The following CCDC7 variants were observed in gnomAD, a reference collection of about 807,000 sequenced individuals.
CCDC7 encodes coiled-coil domain containing 7, also known as coiled-coil domain-containing protein 7.
CCDC7 carries 183 observed loss-of-function variants against 196.9 expected under a neutral mutation model. The observed-to-expected ratio is 0.93, with a 90% CI of 0.82 to 1.05. The LOEUF (loss-of-function observed/expected upper bound fraction) is 1.05, where lower values mean the gene tolerates loss of function less well. CCDC7 is among the 50% of genes least tolerant of loss of function. The pLI is 0.00. For synonymous variants in CCDC7, 525 were observed against 484.6 expected (o/e 1.08, Z -1.10); for missense variants, 1,540 against 1,482.2 (o/e 1.04, Z -0.64).
chr10:32,761,532 A>G (rs1436956722), intron 28 of CCDC7, among the ~76,000 whole-genome samples: 3 of 151,976 alleles, frequency 2.0e-5, no homozygotes, highest in African/African-American at 7.2e-5. Context: ...AAAGAAAAGT[A>G]TGAGCTTGGA....
chr10:32,781,738 A>G (rs1465599558), intron 29 of CCDC7, among the ~76,000 whole-genome samples: 1 of 152,242 alleles, frequency 6.6e-6, no homozygotes, highest in African/African-American at 2.4e-5. Context: ...CCTTAAGATC[A>G]GGAGCAATAC....
intron 37 of CCDC7, 44 bp from the exon 39 acceptor site, chr10:32,847,789 T>C (rs754296930): frequency 5.9e-6 from 7 of 1,184,736 alleles, no homozygotes; most frequent in Non-Finnish European, 8.5e-6. Flanking sequence ...GTAACATAAA[T>C]GGTTACCTTA....
At chr10:32,880,354 C>T (rs186602371), downstream of CCDC7, among the ~76,000 whole-genome samples, 26 of 152,154 alleles carry the variant, frequency 1.7e-4, no homozygotes, top group East Asian at 3.9e-4. Flanking sequence ...TGTCTTCTTT[C>T]GAGAAGTGTC....
intron 28 of CCDC7, among the ~76,000 whole-genome samples, chr10:32,744,437 A>C (rs2074371660): frequency 6.6e-6 from 1 of 151,032 alleles, no homozygotes; most frequent in Non-Finnish European, 1.5e-5. Context: ...TTGTATTCTC[A>C]CCAGCAATGA....
chr10:32,716,603 A>C (rs1258001769), intron 25 of CCDC7, among the ~76,000 whole-genome samples: 3 of 152,258 alleles, frequency 2.0e-5, no homozygotes, highest in African/African-American at 4.8e-5. Flanking sequence ...ACAGACTGGC[A>C]AATTGGATAA....
intron 21 of CCDC7, among the ~76,000 whole-genome samples, chr10:32,665,170 A>G (rs564849386): frequency 6.6e-6 from 1 of 152,092 alleles, no homozygotes; most frequent in Non-Finnish European, 1.5e-5. Context: ...ATTGTTTTCT[A>G]ACTATTGAGT....
At chr10:32,555,584 A>T (rs1243710129) in intron 13 of CCDC7, among the ~76,000 whole-genome samples, 1 of 152,190 alleles carries the variant, frequency 6.6e-6, no homozygotes, top group Non-Finnish European at 1.5e-5. Context: ...TCTGTAAGGA[A>T]GTCATAAGGC....
At chr10:32,818,460 A>C (rs1470841476) in intron 31 of CCDC7, among the ~76,000 whole-genome samples, 1 of 152,158 alleles carries the variant, frequency 6.6e-6, no homozygotes, top group African/African-American at 2.4e-5. Flanking sequence ...ATATCCAGGA[A>C]TTGAACTCAG....
chr10:32,453,419 G>T lies in CCDC7; in HGVS notation c.355G>T (p.Glu119Ter). 6.5e-7 allele frequency: 1 copy of T among 1,545,154 alleles called. No individual in the cohort carries two copies. The highest frequency in any genetic ancestry group is 1.3e-5 in the South Asian group (1 of 76,478). ...AGAACCATTTGTAAAGCATGAACAT[G>T]AAGAATTATCTTTATCTGTAAGTAT... The change falls in exon 2 of 42, where the codon GAA (glutamate) becomes TAA (stop). Residue 119 changes from glutamate (E) to a stop codon, truncating the protein, a stop_gained. Transcript: ENST00000639629. LOFTEE classifies it high-confidence loss of function.
chr10:32,725,192 A>G (rs2082939302), intron 25 of CCDC7, among the ~76,000 whole-genome samples: 1 of 152,030 alleles, frequency 6.6e-6, no homozygotes, highest in African/African-American at 2.4e-5. Flanking sequence ...TTTTGTATGT[A>G]TATATCCTTT....
intron 5 of CCDC7, among the ~76,000 whole-genome samples, chr10:32,470,184 C>G (rs1049123994): frequency 1.3e-5 from 2 of 152,186 alleles, no homozygotes; most frequent in Non-Finnish European, 2.9e-5. Context: ...AGTCTCTGTT[C>G]TAAATCCCCA....
intron 28 of CCDC7, among the ~76,000 whole-genome samples, chr10:32,735,282 C>T (rs57817211): frequency 0.053 from 8,061 of 152,152 alleles, 713 homozygotes; most frequent in African/African-American, 0.18. Flanking sequence ...AATTGTTAAA[C>T]TGTCTTCAAA....
At chr10:32,830,108 T>TTATATATATAAGGATATATA (rs1555180983) in intron 32 of CCDC7, among the ~76,000 whole-genome samples, 4 of 30,376 alleles carry the variant, frequency 1.3e-4, no homozygotes, top group African/African-American at 3.0e-4. Context: ...CTATTAGTTC[T>TTATATATATAAGGATATATA]TATATATATA....
At chr10:32,729,384 T>G in exon 28 of CCDC7, 1 of 1,541,460 alleles carries the variant, frequency 6.5e-7, no homozygotes, top group Non-Finnish European at 8.8e-7. Context: ...ATCTGTTGCC[T>G]GAGGAGAAAG....
At chr10:32,604,222 C>T (rs1467469813) in intron 18 of CCDC7, among the ~76,000 whole-genome samples, 1 of 152,054 alleles carries the variant, frequency 6.6e-6, no homozygotes, top group African/African-American at 2.4e-5. Context: ...GTTCATGGCA[C>T]CTTTGTAAAA....
chr10:32,652,738 C>G lies in CCDC7; in HGVS notation c.2015-11316C>G, dbSNP rs533296141. 2.6e-4 allele frequency among the ~76,000 whole-genome samples: 39 copies of G among 152,060 alleles called. 1 individual carries two copies. The highest frequency in any genetic ancestry group is 2.6e-3 in the Admixed American group (39 of 15,290). On this transcript the variant is annotated intron_variant, in intron 20 of 41. Transcript: ENST00000639629. ...TTTTGACTTTTAGATATCTCAATTT[C>G]TATATTTTTGTACTGCCTAATGCAT...
intron 21 of CCDC7, among the ~76,000 whole-genome samples, chr10:32,681,978 A>G (rs554152243): frequency 6.6e-6 from 1 of 152,046 alleles, no homozygotes; most frequent in South Asian, 2.1e-4. Flanking sequence ...ATCCTGACTA[A>G]TCCACAACAC....
At chr10:32,865,221 T>G (rs2094158917) in intron 41 of CCDC7, among the ~76,000 whole-genome samples, 1 of 151,858 alleles carries the variant, frequency 6.6e-6, no homozygotes, top group South Asian at 2.1e-4. Flanking sequence ...GCAGAATATG[T>G]AAAGAACTTT....
rs144989769 is a variant in CCDC7, at chr10:32,491,981, G to A, written c.856G>A (p.Ala286Thr). ...CATGTTGAAAGTATTTGAAAACCAG[G>A]CAAATATGTTGGAGAGGTAAGCTTT... The change falls in exon 9 of 42, where the codon GCA becomes ACA. Residue 286 changes from alanine (A) to threonine (T), a missense_variant. Coordinates refer to ENST00000639629, the Ensembl canonical transcript of CCDC7. The A allele has an allele frequency of 3.2e-6, 5 of 1,574,882 alleles. No individual in the cohort carries two copies. The African/African-American group carries it at 6.9e-5, about 22-fold the overall frequency.
Sources: gnomAD v4.1 joint callset for allele counts (sites outside exome capture counted in the v4.1 genomes callset) on GRCh38, gnomAD v4.1.1 for gene constraint, MANE v1.5 for transcripts, NCBI Gene and HGNC (gene_info 2026-07-23, HGNC 2026-07-21) for gene names.